BCL2A1: variants seen among roughly 807,000 people sequenced by gnomAD.
BCL2A1 encodes bcl-2-related protein A1.
A neutral mutation model predicts 14.4 loss-of-function variants in BCL2A1; 10 were observed. The ratio of observed to expected loss-of-function variants is 0.69; its 90% CI spans 0.43 to 1.18. BCL2A1 has a LOEUF of 1.18. BCL2A1 is among the 50% of genes most tolerant of loss of function. The probability of loss-of-function intolerance (pLI) is 0.00; values close to 1 mark genes in which losing one functional copy is unlikely to be tolerated. For synonymous variants in BCL2A1, 71 were observed against 76.5 expected (o/e 0.93, Z 0.38); for missense variants, 158 against 205.0 (o/e 0.77, Z 1.40).
chr15:79,963,234 C>T (rs1312006601), intron 1 of BCL2A1, among the ~76,000 whole-genome samples: 1 of 152,104 alleles, frequency 6.6e-6, no homozygotes, highest in African/African-American at 2.4e-5. Context: ...ATGATCCACC[C>T]GCCTCGGCCT....
chr15:79,962,887 T>C (rs2035504560), intron 1 of BCL2A1, among the ~76,000 whole-genome samples: 1 of 151,856 alleles, frequency 6.6e-6, no homozygotes, highest in Non-Finnish European at 1.5e-5. Context: ...CTATTATCAT[T>C]GAGCAGTCAT....
chr15:79,968,026 C>T (rs1047384712), intron 1 of BCL2A1, among the ~76,000 whole-genome samples: 6 of 151,964 alleles, frequency 3.9e-5, no homozygotes, highest in South Asian at 2.1e-4. Flanking sequence ...GAGGTTCATC[C>T]GGCCACACTC....
chr15:79,965,318 G>T (rs1056794490), intron 1 of BCL2A1, among the ~76,000 whole-genome samples: 12 of 152,010 alleles, frequency 7.9e-5, no homozygotes, highest in African/African-American at 2.9e-4. Flanking sequence ...TAGTAGAGAC[G>T]GGGTTTCACT....
chr15:79,964,022 T>C (rs1173599650), intron 1 of BCL2A1, among the ~76,000 whole-genome samples: 2 of 152,138 alleles, frequency 1.3e-5, no homozygotes, highest in Non-Finnish European at 2.9e-5. Flanking sequence ...TGTGGATATG[T>C]TAGGGTGATG....
At chr15:79,969,243 G>A (rs1015140591) in intron 1 of BCL2A1, among the ~76,000 whole-genome samples, 6 of 152,102 alleles carry the variant, frequency 3.9e-5, no homozygotes, top group African/African-American at 1.4e-4. Flanking sequence ...GGAGAATCCC[G>A]GGGCATATCC....
chr15:79,965,523 A>G (rs1567023616), intron 1 of BCL2A1, among the ~76,000 whole-genome samples: 2 of 152,140 alleles, frequency 1.3e-5, no homozygotes, highest in Admixed American at 1.3e-4. Context: ...GGCTACTGAC[A>G]GAGTCAAGTG....
intron 1 of BCL2A1, among the ~76,000 whole-genome samples, chr15:79,968,156 T>A (rs2035561553): frequency 6.6e-6 from 1 of 152,238 alleles, no homozygotes; most frequent in Non-Finnish European, 1.5e-5. Context: ...GTGGAGAAGT[T>A]AAATTTTTAA....
chr15:79,962,784 G>A (rs2035503157), intron 1 of BCL2A1, among the ~76,000 whole-genome samples: 1 of 151,994 alleles, frequency 6.6e-6, no homozygotes, highest in South Asian at 2.1e-4. Flanking sequence ...CTGACCTCAT[G>A]ATCCACTCAC....
chr15:79,967,930 TAAA>T (rs397977008), intron 1 of BCL2A1, among the ~76,000 whole-genome samples: 33 of 144,266 alleles, frequency 2.3e-4, no homozygotes, highest in East Asian at 1.6e-3. Flanking sequence ...GTGTTTTTTT[TAAA>T]AAAAAAAAAG....
intron 1 of BCL2A1, among the ~76,000 whole-genome samples, chr15:79,967,357 T>C (rs538172239): frequency 2.0e-5 from 3 of 151,820 alleles, no homozygotes; most frequent in African/African-American, 7.2e-5. Flanking sequence ...GCTGGGATTA[T>C]AGGCATCCGC....
At chr15:79,963,558 C>T (rs1019047463) in intron 1 of BCL2A1, among the ~76,000 whole-genome samples, 2 of 152,110 alleles carry the variant, frequency 1.3e-5, no homozygotes, top group African/African-American at 4.8e-5. Context: ...CCTAGCAAAC[C>T]TCAAAATTAT....
chr15:79,966,676 C>T (rs1440397192), intron 1 of BCL2A1, among the ~76,000 whole-genome samples: 1 of 152,198 alleles, frequency 6.6e-6, no homozygotes, highest in African/African-American at 2.4e-5. Context: ...ATGGCACTAG[C>T]TCTCCTGTCA....
intron 1 of BCL2A1, among the ~76,000 whole-genome samples, chr15:79,963,508 T>C (rs999723503): frequency 6.6e-6 from 1 of 152,230 alleles, no homozygotes; most frequent in African/African-American, 2.4e-5. Context: ...CACAGTCTTA[T>C]TGTTTTTTAG....
intron 1 of BCL2A1, among the ~76,000 whole-genome samples, chr15:79,966,206 T>C (rs1279050654): frequency 6.6e-6 from 1 of 152,152 alleles, no homozygotes; most frequent in African/African-American, 2.4e-5. Context: ...GTAGGTAAGA[T>C]TGTTTTCATT....
Position 79,970,732 on chromosome 15 carries a change from T to C in BCL2A1, c.388A>G (p.Thr130Ala). The C allele has an allele frequency of 6.2e-7, 1 of 1,613,584 alleles. No homozygotes were observed. Among genetic ancestry groups the C allele is most frequent in the Middle Eastern group, 1.7e-4 (1 of 6,060 alleles). The change falls in exon 1 of 2, where the codon ACA becomes GCA. Residue 130 changes from threonine (T) to alanine (A), a missense_variant. Transcript: ENST00000267953. ...CCGTTTTGCCTTATCCATTCTCCTG[T>C]GTTATTCATTATGAACTCCGCAACA... ...YFVAEFIMNN[T>A]GEWIRQNGGW...
chr15:79,968,766 A>G (rs1319475034), intron 1 of BCL2A1, among the ~76,000 whole-genome samples: 2 of 152,214 alleles, frequency 1.3e-5, no homozygotes, highest in African/African-American at 4.8e-5. Flanking sequence ...CCCTGTCTCT[A>G]CTAAAAATAC....
At chr15:79,967,679 T>C (rs2035555431) in intron 1 of BCL2A1, 1 of 1,561,810 alleles carries the variant, frequency 6.4e-7, no homozygotes, top group South Asian at 1.1e-5. Flanking sequence ...AGGTGTGTGA[T>C]TGTGCCATTT....
At chr15:79,966,589 G>T (rs183785813) in intron 1 of BCL2A1, among the ~76,000 whole-genome samples, 1 of 152,212 alleles carries the variant, frequency 6.6e-6, no homozygotes, top group African/African-American at 2.4e-5. Flanking sequence ...CAAGAGAAGA[G>T]ACATGAGTTT....
At position 79,964,289 on chromosome 15, in the gene BCL2A1, A is replaced by C. The variant is rs540794636; in HGVS notation, c.421-3115T>G. The stretch of plus-strand genomic sequence containing the variant: ...TATACAGTATCAATAGTCCAAAGAA[A>C]ATCAAAATCTCAGAATTTTTAAAGA... On this transcript the variant is annotated intron_variant, in intron 1 of 1. Coordinates refer to ENST00000267953, the MANE Select transcript of BCL2A1 (RefSeq NM_004049.4). Among the ~76,000 whole-genome samples the C allele has an allele frequency of 3.9e-5, 6 of 152,234 alleles. No homozygotes were observed. The East Asian group carries it at 9.6e-4, about 24-fold the overall frequency.
Sources: gnomAD v4.1 joint callset for allele counts (sites outside exome capture counted in the v4.1 genomes callset) on GRCh38, gnomAD v4.1.1 for gene constraint, MANE v1.5 for transcripts, NCBI Gene and HGNC (gene_info 2026-07-23, HGNC 2026-07-21) for gene names.